The following PPCDC variants were observed in gnomAD, a reference collection of about 807,000 sequenced individuals.
The protein encoded by PPCDC is phosphopantothenoylcysteine decarboxylase.
PPCDC carries 20 observed loss-of-function variants against 20.7 expected under a neutral mutation model. The observed-to-expected ratio is 0.97, with a 90% CI of 0.68 to 1.41. The LOEUF is 1.41. PPCDC is among the 40% of genes most tolerant of loss of function. The pLI, the probability that PPCDC is intolerant of heterozygous loss-of-function variation, is 0.00. For synonymous variants in PPCDC, 88 were observed against 100.3 expected (o/e 0.88, Z 0.73); for missense variants, 246 against 263.8 (o/e 0.93, Z 0.47).
In PPCDC at chr15:75,048,394, A is replaced by G. The variant is rs554073195; in HGVS notation, c.361-159A>G. Among the ~76,000 whole-genome samples the G allele has an allele frequency of 5.3e-5, 8 of 152,324 alleles. No individual in the cohort carries two copies. In the East Asian group the frequency reaches 1.5e-3, roughly 29 times the overall value. On this transcript the variant is annotated intron_variant, in intron 4 of 5. Transcript: ENST00000342932. ...GGGAGGTGGAGAGAGGCGAGGAGAC[A>G]TAGCCCCCACCCCTGAGGGATGAGA...
At chr15:75,030,469 G>T (rs184724786) in intron 2 of PPCDC, among the ~76,000 whole-genome samples, 62 of 152,364 alleles carry the variant, frequency 4.1e-4, no homozygotes, top group Admixed American at 9.1e-4. Context: ...GAGGGCCCAT[G>T]CCTTTCATCT....
At chr15:75,026,950 C>T (rs575532793) in intron 1 of PPCDC, among the ~76,000 whole-genome samples, 6 of 152,128 alleles carry the variant, frequency 3.9e-5, no homozygotes, top group Non-Finnish European at 7.4e-5. Context: ...AGGGCTTCTG[C>T]TTCACAGGCT....
intron 1 of PPCDC, among the ~76,000 whole-genome samples, chr15:75,027,288 G>C (rs2065969825): frequency 1.3e-5 from 2 of 152,148 alleles, no homozygotes; most frequent in Admixed American, 1.3e-4. Flanking sequence ...TCGGTCCTCA[G>C]TGATGGTTGC....
chr15:75,039,203 A>G (rs534615233), intron 2 of PPCDC, among the ~76,000 whole-genome samples: 1 of 152,296 alleles, frequency 6.6e-6, no homozygotes, highest in African/African-American at 2.4e-5. Context: ...CTCATCTGGT[A>G]TTGAAATGTT....
At position 75,035,897 on chromosome 15, in the gene PPCDC, G is replaced by A. The variant is rs567032790; in HGVS notation, c.135+7444G>A. On this transcript the variant is annotated intron_variant, in intron 2 of 5. Coordinates refer to ENST00000342932, the MANE Select transcript of PPCDC (RefSeq NM_021823.5). ...CAGGAGAATCTCTGGAACCCAGGAG[G>A]CAGAGGTTGCAGTGAGCCGAGATAG... Among the ~76,000 whole-genome samples the A allele has an allele frequency of 2.2e-4, 33 of 151,070 alleles. No individual in the cohort carries two copies. In the South Asian group the frequency reaches 6.9e-3, roughly 32 times the overall value.
chr15:75,032,084 A>C (rs1341302941), intron 2 of PPCDC, among the ~76,000 whole-genome samples: 1 of 152,198 alleles, frequency 6.6e-6, no homozygotes, highest in Non-Finnish European at 1.5e-5. Flanking sequence ...TTTTTCCCCC[A>C]GTGCCTTCAG....
At chr15:75,032,267 C>T (rs1052945716) in intron 2 of PPCDC, among the ~76,000 whole-genome samples, 1 of 152,082 alleles carries the variant, frequency 6.6e-6, no homozygotes, top group African/African-American at 2.4e-5. Flanking sequence ...TAGAGAAAAC[C>T]CCCAACTCAA....
Position 75,032,724 on chromosome 15 carries a change from AC to A in PPCDC, c.135+4282del, listed in dbSNP as rs71434252. ...CAGGGTGTAGGAGCTAGCAAACTGG[AC>A]CCCCCCCCCCAAGGCCAAATTCGGC... On this transcript the variant is annotated intron_variant, in intron 2 of 5. Coordinates refer to ENST00000342932, the MANE Select transcript of PPCDC (RefSeq NM_021823.5). 1.2e-3 allele frequency among the ~76,000 whole-genome samples: 112 copies of A among 96,682 alleles called. 4 individuals carry two copies. Among genetic ancestry groups the A allele is most frequent in the Middle Eastern group, 6.9e-3 (1 of 144 alleles). The allele number at this position is 96,682 out of a possible 152,430, so 63.4% of individuals were successfully genotyped here.
In PPCDC at chr15:75,049,911, A is replaced by G. The variant is rs1435580728; in HGVS notation, c.*676A>G. ...TGAAGCCAGACAGCCCCTAGTTCCA[A>G]TCCCAGCTCTGCCGCTTACTAGCAG... On this transcript the variant is annotated 3_prime_UTR_variant, in exon 6 of 6. Transcript: ENST00000342932. 2 of 152,162 alleles carry G rather than the reference A, an allele frequency of 1.3e-5. No individual in the cohort carries two copies. The highest frequency in any genetic ancestry group is 2.9e-5 in the Non-Finnish European group (2 of 68,054). The allele number at this position is 152,162 out of a possible 1,614,324, so 9.4% of individuals were successfully genotyped here.
chr15:75,025,226 G>C (rs1354756906), intron 1 of PPCDC, among the ~76,000 whole-genome samples: 2 of 152,212 alleles, frequency 1.3e-5, no homozygotes, highest in Non-Finnish European at 2.9e-5. Flanking sequence ...GCAGCCGGTA[G>C]TGAGGGGCTT....
At chr15:75,026,362 C>T (rs899412353) in intron 1 of PPCDC, among the ~76,000 whole-genome samples, 3 of 152,178 alleles carry the variant, frequency 2.0e-5, no homozygotes, top group Admixed American at 6.5e-5. Context: ...AACAGGGCTC[C>T]CCACTCCCTG....
chr15:75,049,580 C>T lies in PPCDC; in HGVS notation c.*345C>T, dbSNP rs1248162497. The T allele has an allele frequency of 1.6e-5, 4 of 245,426 alleles. No homozygotes were observed. The highest frequency in any genetic ancestry group is 6.3e-5 in the South Asian group (1 of 15,992). The allele number at this position is 245,426 out of a possible 1,614,324, so 15.2% of individuals were successfully genotyped here. ...CCCAGAACGGCTTTTAGAAACACCA[C>T]AGCTGGAGAGTCCTGGCTGAGCCTT... On this transcript the variant is annotated 3_prime_UTR_variant, in exon 6 of 6. Coordinates refer to ENST00000342932, the MANE Select transcript of PPCDC (RefSeq NM_021823.5).
rs191854034 is a variant in PPCDC, at chr15:75,038,338, G to T, written c.136-5103G>T. Among the ~76,000 whole-genome samples the T allele has an allele frequency of 2.0e-5, 3 of 152,308 alleles. No homozygotes were observed. The East Asian group carries it at 5.8e-4, about 29-fold the overall frequency. On this transcript the variant is annotated intron_variant, in intron 2 of 5. Coordinates refer to ENST00000342932, the MANE Select transcript of PPCDC (RefSeq NM_021823.5). Reference sequence around the variant, plus strand: ...TGGATTAGTGTCTCTGGGGGCTACTGATGGTGGTGCTGGCTGAGAGGAGGA... The same window carrying T: ...TGGATTAGTGTCTCTGGGGGCTACTTATGGTGGTGCTGGCTGAGAGGAGGA...
chr15:75,036,076 A>T (rs1222727390), intron 2 of PPCDC, among the ~76,000 whole-genome samples: 4 of 152,170 alleles, frequency 2.6e-5, no homozygotes, highest in South Asian at 4.1e-4. Flanking sequence ...TTCTTTTTTA[A>T]TGCCCAGCGC....
chr15:75,029,091 C>G (rs1024350424), intron 2 of PPCDC, among the ~76,000 whole-genome samples: 1 of 152,124 alleles, frequency 6.6e-6, no homozygotes, highest in Non-Finnish European at 1.5e-5. Context: ...CTTTAAACAG[C>G]GTGAAATCTA....
intron 3 of PPCDC, 76 bp from the exon 4 acceptor site, chr15:75,044,310 G>T (rs926766311): frequency 5.4e-5 from 85 of 1,580,914 alleles, no homozygotes; most frequent in Non-Finnish European, 7.1e-5. Flanking sequence ...TCAGTCTCCT[G>T]ACTTACCGTA....
chr15:75,027,426 C>T (rs1289708475), intron 1 of PPCDC, among the ~76,000 whole-genome samples: 1 of 152,186 alleles, frequency 6.6e-6, no homozygotes, highest in Non-Finnish European at 1.5e-5. Context: ...AGCTAATCTC[C>T]TGGGGTGGCC....
intron 5 of PPCDC, 128 bp downstream of exon 5, chr15:75,048,849 T>C: frequency 1.6e-6 from 2 of 1,271,790 alleles, no homozygotes; most frequent in Middle Eastern, 2.0e-4. Flanking sequence ...CTTTCTCAGC[T>C]GGAAAATGGG....
At chr15:75,040,178 G>T (rs1334118819) in intron 2 of PPCDC, among the ~76,000 whole-genome samples, 1 of 152,162 alleles carries the variant, frequency 6.6e-6, no homozygotes, top group Non-Finnish European at 1.5e-5. Flanking sequence ...GACTTCCTGG[G>T]CTCAACTGAT....
Sources: allele counts gnomAD v4.1 joint callset (sites outside exome capture counted in the v4.1 genomes callset), GRCh38; gene constraint gnomAD v4.1.1; transcripts MANE v1.5; gene names NCBI Gene and HGNC (gene_info 2026-07-23, HGNC 2026-07-21).